The following LRP1B variants were observed in gnomAD, a reference collection of about 807,000 sequenced individuals.
LRP1B encodes the protein low-density lipoprotein receptor-related protein 1B.
Under a neutral mutation model 556.6 loss-of-function variants are expected in LRP1B, and 217 were observed. The observed-to-expected ratio is 0.39, with a 90% CI of 0.35 to 0.44. LRP1B has a LOEUF of 0.44. Ranked by LOEUF, LRP1B falls within the 20% of genes least tolerant of loss-of-function variation. LRP1B has a pLI of 1.00. For synonymous variants in LRP1B, 2,047 were observed against 1,865.8 expected (o/e 1.10, Z -2.50); for missense variants, 5,053 against 5,620.8 (o/e 0.90, Z 3.23).
intron 3 of LRP1B, among the ~76,000 whole-genome samples, chr2:141,400,201 A>G (rs890066748): frequency 6.6e-6 from 1 of 152,106 alleles, no homozygotes; most frequent in Non-Finnish European, 1.5e-5. Flanking sequence ...CTGGTCTCAA[A>G]TTCCTGGGCT....
intron 1 of LRP1B, among the ~76,000 whole-genome samples, chr2:141,821,191 C>T (rs1014866306): frequency 6.6e-6 from 1 of 152,224 alleles, no homozygotes; most frequent in African/African-American, 2.4e-5. Context: ...GCTTCTGACT[C>T]CCACGCTGTA....
At chr2:141,513,157 T>C (rs147165177) in intron 2 of LRP1B, among the ~76,000 whole-genome samples, 3 of 152,238 alleles carry the variant, frequency 2.0e-5, no homozygotes, top group African/African-American at 7.2e-5. Context: ...TTAATATCTC[T>C]AGATAGCTAA....
At chr2:141,652,886 A>T (rs1689852770) in intron 2 of LRP1B, among the ~76,000 whole-genome samples, 1 of 152,188 alleles carries the variant, frequency 6.6e-6, no homozygotes. Context: ...CTTACTTGAC[A>T]GTTGGCTTCC....
rs1558844118 is a variant in LRP1B, at chr2:141,743,479, CTTTTTTCTT to C, written c.205+66791_205+66799del. On this transcript the variant is annotated intron_variant, in intron 2 of 90. Transcript: ENST00000389484. Reference sequence around the variant, plus strand: ...TTGGAAGTAAGTATTCTCTCCTCTGCTTTTTTCTTTTTTTTTTTTTTCTTTTTTTTTTTT... The same window carrying C: ...TTGGAAGTAAGTATTCTCTCCTCTGCTTTTTTTTTTTTCTTTTTTTTTTTT... Among the ~76,000 whole-genome samples the C allele has an allele frequency of 3.3e-4, 22 of 66,324 alleles. No homozygotes were observed. The South Asian group carries it at 1.0e-2, about 30-fold the overall frequency. The allele number at this position is 66,324 out of a possible 152,430, so 43.5% of individuals were successfully genotyped here. A position where few individuals can be genotyped will look rare whatever the true frequency, so the allele number is the denominator to read the frequency against.
Position 142,115,544 on chromosome 2 carries a change from A to AAT in LRP1B, c.82+15102_82+15103dup, listed in dbSNP as rs376937171. On this transcript the variant is annotated intron_variant, in intron 1 of 90. Coordinates refer to ENST00000389484, the MANE Select transcript of LRP1B (RefSeq NM_018557.3). ...TATATAATATATATATTACATATGT[A>AAT]ATATATATATTATATATGTAATATA... 1.0e-4 allele frequency among the ~76,000 whole-genome samples: 4 copies of AAT among 39,876 alleles called. 1 individual carries two copies. Among genetic ancestry groups the AAT allele is most frequent in the Non-Finnish European group, 2.1e-4 (4 of 19,120 alleles). The allele number at this position is 39,876 out of a possible 152,430, so 26.2% of individuals were successfully genotyped here.
rs188060406 is a variant in LRP1B at position 141,701,473 on chromosome 2, A to G, written c.205+108806T>C. Among the ~76,000 whole-genome samples, 18 of 151,854 alleles carry G rather than the reference A, an allele frequency of 1.2e-4. No homozygotes were observed. The East Asian group carries it at 2.9e-3, about 25-fold the overall frequency. On this transcript the variant is annotated intron_variant, in intron 2 of 90. Coordinates refer to ENST00000389484, the MANE Select transcript of LRP1B (RefSeq NM_018557.3). ...ATTCACAGACAGAATTATTCCTTCT[A>G]TTCTTATGTCCCTTGACTCAGCATA... is the stretch of plus-strand genomic sequence containing the variant.
intron 43 of LRP1B, among the ~76,000 whole-genome samples, chr2:140,582,185 C>T (rs1319813646): frequency 6.6e-6 from 1 of 152,078 alleles, no homozygotes; most frequent in African/African-American, 2.4e-5. Flanking sequence ...TCTGTTATGC[C>T]TATAGTAGAC....
chr2:140,596,049 T>C (rs1391087099), intron 43 of LRP1B, among the ~76,000 whole-genome samples: 1 of 152,160 alleles, frequency 6.6e-6, no homozygotes, highest in African/African-American at 2.4e-5. Context: ...TGGGTATATC[T>C]AAACATGAAA....
At chr2:142,078,710 G>C (rs1386088559) in intron 1 of LRP1B, among the ~76,000 whole-genome samples, 2 of 152,018 alleles carry the variant, frequency 1.3e-5, no homozygotes, top group African/African-American at 4.8e-5. Context: ...TTTACTTTCA[G>C]TTTTCTAGAA....
chr2:141,466,654 G>A (rs1020031628), intron 3 of LRP1B, among the ~76,000 whole-genome samples: 8 of 152,012 alleles, frequency 5.3e-5, no homozygotes, highest in African/African-American at 1.4e-4. Flanking sequence ...CTGGAATGTG[G>A]ATGTGATATT....
chr2:142,121,299 T>C (rs1365510803), intron 1 of LRP1B, among the ~76,000 whole-genome samples: 1 of 152,148 alleles, frequency 6.6e-6, no homozygotes, highest in Non-Finnish European at 1.5e-5. Flanking sequence ...AAAAAGTAAG[T>C]TGCATCATTT....
intron 60 of LRP1B, among the ~76,000 whole-genome samples, chr2:140,468,869 A>G (rs962884585): frequency 3.9e-5 from 6 of 152,254 alleles, no homozygotes; most frequent in African/African-American, 1.2e-4. Context: ...CCTTTTTGGA[A>G]TGGAAATGTT....
At chr2:140,887,216 C>T (rs1364148697) in intron 23 of LRP1B, among the ~76,000 whole-genome samples, 1 of 151,944 alleles carries the variant, frequency 6.6e-6, no homozygotes, top group Non-Finnish European at 1.5e-5. Flanking sequence ...CAAATAGCTC[C>T]CAATAAAACA....
chr2:140,291,888 G>A (rs573150311), intron 84 of LRP1B, among the ~76,000 whole-genome samples: 300 of 152,232 alleles, frequency 2.0e-3, no homozygotes, highest in African/African-American at 7.1e-3. Flanking sequence ...TCACCACACT[G>A]TCTTCCACAA....
intron 41 of LRP1B, among the ~76,000 whole-genome samples, chr2:140,630,426 G>A (rs143597691): frequency 5.4e-4 from 82 of 152,306 alleles, no homozygotes; most frequent in African/African-American, 1.9e-3. Context: ...TCATCATCCT[G>A]AAATCTGGAG....
intron 80 of LRP1B, 97 bp from the exon 81 acceptor site, chr2:140,324,163 G>C (rs2105060105): frequency 1.5e-6 from 1 of 647,912 alleles, no homozygotes; most frequent in African/African-American, 1.8e-5. Flanking sequence ...CCTTATTACT[G>C]TTTAAAAATA....
intron 34 of LRP1B, among the ~76,000 whole-genome samples, chr2:140,769,640 G>A (rs1689236996): frequency 6.6e-6 from 1 of 151,822 alleles, no homozygotes; most frequent in Admixed American, 6.6e-5. Flanking sequence ...TCTCCCAATT[G>A]GTGATGATGA....
chr2:142,093,225 C>T (rs190793005), intron 1 of LRP1B, among the ~76,000 whole-genome samples: 31 of 152,174 alleles, frequency 2.0e-4, no homozygotes, highest in Admixed American at 1.4e-3. Flanking sequence ...ACTTTCCTAG[C>T]GAACTATGAG....
intron 6 of LRP1B, among the ~76,000 whole-genome samples, chr2:141,194,840 C>T (rs1011227759): frequency 2.2e-4 from 33 of 152,002 alleles, no homozygotes; most frequent in African/African-American, 7.7e-4. Flanking sequence ...ATAGTGACAT[C>T]CAGTAGATTT....
Sources: allele counts gnomAD v4.1 joint callset (sites outside exome capture counted in the v4.1 genomes callset), GRCh38; gene constraint gnomAD v4.1.1; transcripts MANE v1.5; gene names NCBI Gene and HGNC (gene_info 2026-07-23, HGNC 2026-07-21).